SMIM20: variants seen among roughly 807,000 people sequenced by gnomAD.
SMIM20 encodes the protein mitochondrial translation regulation assembly intermediate of cytochrome c oxidase protein of 7 kDa.
In SMIM20, 3 loss-of-function variants were observed where a neutral mutation model predicts 8.7. That is an observed-to-expected ratio of 0.34 (90% CI 0.16 to 0.89). The LOEUF is 0.89. SMIM20 is among the 40% of genes least tolerant of loss of function. The pLI, the probability that SMIM20 is intolerant of heterozygous loss-of-function variation, is 0.49. For synonymous variants in SMIM20, 44 were observed against 33.6 expected (o/e 1.31, Z -1.07); for missense variants, 85 against 84.8 (o/e 1.00, Z -0.01).
rs1449244589 is a variant in SMIM20 at position 25,929,689 on chromosome 4, C to G, written c.*498C>G. 1 of 152,756 alleles carries G rather than the reference C, an allele frequency of 6.5e-6. No homozygotes were observed. The highest frequency in any genetic ancestry group is 2.4e-5 in the African/African-American group (1 of 41,462). 9.5% of individuals were successfully genotyped at this position (152,756 alleles called of 1,614,324 possible). A position where few individuals can be genotyped will look rare whatever the true frequency, so the allele number is the denominator to read the frequency against. ...GACAAGGTACTTCGTGCACCTCATG[C>G]TGAAGATTGCACCGTGTTGGAAAAT... is the stretch of plus-strand genomic sequence containing the variant. On this transcript the variant is annotated 3_prime_UTR_variant, in exon 3 of 3. Coordinates refer to ENST00000506197, the MANE Select transcript of SMIM20 (RefSeq NM_001145432.3).
chr4:25,928,201 C>T, intron 1 of SMIM20, 112 bp from the exon 2 acceptor site: 1 of 1,009,682 alleles, frequency 9.9e-7, no homozygotes, highest in Non-Finnish European at 1.4e-6. Flanking sequence ...AATTTAACAG[C>T]ACTCATAAAT....
Position 25,914,233 on chromosome 4 carries a change from G to C in SMIM20, c.-81G>C. On this transcript the variant is annotated 5_prime_UTR_variant, in exon 1 of 3. Coordinates refer to ENST00000506197, the MANE Select transcript of SMIM20 (RefSeq NM_001145432.3). ...AAGCCTCTCCACCTCTTCCGAGCGGGGTCACGGCCCGGCCGTCGGTAACCT... is the reference window on the plus strand; with the variant it reads ...AAGCCTCTCCACCTCTTCCGAGCGGCGTCACGGCCCGGCCGTCGGTAACCT... The C allele has an allele frequency of 6.6e-7, 1 of 1,504,916 alleles. No homozygotes were observed. The highest frequency in any genetic ancestry group is 1.4e-5 in the African/African-American group (1 of 71,582). 93.2% of individuals were successfully genotyped at this position (1,504,916 alleles called of 1,614,324 possible).
intron 1 of SMIM20, among the ~76,000 whole-genome samples, chr4:25,924,600 C>T (rs1278757000): frequency 6.6e-6 from 1 of 152,162 alleles, no homozygotes; most frequent in Non-Finnish European, 1.5e-5. Flanking sequence ...GCTTTCTCCC[C>T]CTATATATAA....
At chr4:25,924,740 C>T (rs1357748793) in intron 1 of SMIM20, among the ~76,000 whole-genome samples, 1 of 152,118 alleles carries the variant, frequency 6.6e-6, no homozygotes, top group Non-Finnish European at 1.5e-5. Context: ...ACACTTCAGC[C>T]TGTATTTCCG....
chr4:25,928,276 C>G lies in SMIM20; in HGVS notation c.110-37C>G, dbSNP rs562719095. 7.1e-6 allele frequency: 11 copies of G among 1,543,162 alleles called. No individual in the cohort carries two copies. The African/African-American group carries it at 1.2e-4, about 17-fold the overall frequency. ...TACAAATATTTCTCTCTCCCCGCCC[C>G]CCTTCTAAAGAATGATTTTTCTCTT... On this transcript the variant is annotated intron_variant, in intron 1 of 2. Coordinates refer to ENST00000506197, the MANE Select transcript of SMIM20 (RefSeq NM_001145432.3).
intron 1 of SMIM20, among the ~76,000 whole-genome samples, chr4:25,922,117 G>A (rs958215934): frequency 1.3e-5 from 2 of 152,214 alleles, no homozygotes; most frequent in East Asian, 1.9e-4. Flanking sequence ...AGTGTATTAA[G>A]TTGACTATTT....
At chr4:25,918,498 G>A (rs192521450) in intron 1 of SMIM20, among the ~76,000 whole-genome samples, 128 of 151,834 alleles carry the variant, frequency 8.4e-4, no homozygotes, top group African/African-American at 2.9e-3. Flanking sequence ...ATTTTATTGT[G>A]CTACCAGATT....
chr4:25,918,952 C>T (rs1232106694), intron 1 of SMIM20, among the ~76,000 whole-genome samples: 7 of 125,716 alleles, frequency 5.6e-5, no homozygotes, highest in South Asian at 2.6e-4. Flanking sequence ...GGCCGGACTG[C>T]GGACTGCAGT....
intron 1 of SMIM20, among the ~76,000 whole-genome samples, chr4:25,921,297 G>A (rs993717686): frequency 1.3e-5 from 2 of 152,136 alleles, no homozygotes; most frequent in Non-Finnish European, 2.9e-5. Context: ...ACTTTGGGAA[G>A]CTGACGCAGG....
At chr4:25,918,344 T>A (rs907449518) in intron 1 of SMIM20, among the ~76,000 whole-genome samples, 5 of 152,204 alleles carry the variant, frequency 3.3e-5, no homozygotes, top group African/African-American at 1.2e-4. Context: ...AGATCAAGCT[T>A]CTTAATTCTG....
chr4:25,917,951 T>TG (rs1342329881), intron 1 of SMIM20, among the ~76,000 whole-genome samples: 1 of 149,984 alleles, frequency 6.7e-6, no homozygotes, highest in Non-Finnish European at 1.5e-5. Context: ...TTTTTGTTTT[T>TG]TTTTTTTTTG....
At position 25,929,428 on chromosome 4, in the gene SMIM20, A is replaced by C. The variant is rs1711590839; in HGVS notation, c.*237A>C. The stretch of plus-strand genomic sequence containing the variant: ...TAGGAAGGTTTTCATGATTCAGTTG[A>C]TTTTCCAAAAATGAAGCTATCTCAC... On this transcript the variant is annotated 3_prime_UTR_variant, in exon 3 of 3. Transcript: ENST00000506197. 4 of 478,876 alleles carry C rather than the reference A, an allele frequency of 8.4e-6. No individual in the cohort carries two copies. The highest frequency in any genetic ancestry group is 1.4e-5 in the Non-Finnish European group (4 of 276,928). 29.7% of individuals were successfully genotyped at this position (478,876 alleles called of 1,614,324 possible).
At chr4:25,921,718 G>C (rs533656391) in intron 1 of SMIM20, among the ~76,000 whole-genome samples, 1 of 152,182 alleles carries the variant, frequency 6.6e-6, no homozygotes, top group African/African-American at 2.4e-5. Context: ...AGTAGGTAAG[G>C]GTTCCCAGGC....
In SMIM20 at chr4:25,929,396, A is replaced by G; in HGVS notation, c.*205A>G. 3.7e-6 allele frequency: 2 copies of G among 544,978 alleles called. No individual in the cohort carries two copies. The highest frequency in any genetic ancestry group is 3.1e-5 in the South Asian group (1 of 32,154). The allele number at this position is 544,978 out of a possible 1,614,324, so 33.8% of individuals were successfully genotyped here. Reference sequence around the variant, plus strand: ...TATCAAAAGAACTCTGGAACAAATTATACCATTAGGAAGGTTTTCATGATT... The same window carrying G: ...TATCAAAAGAACTCTGGAACAAATTGTACCATTAGGAAGGTTTTCATGATT... On this transcript the variant is annotated 3_prime_UTR_variant, in exon 3 of 3. Transcript: ENST00000506197.
chr4:25,928,283 A>C (rs1711563500), intron 1 of SMIM20, 30 bp from the exon 2 acceptor site: 1 of 1,545,996 alleles, frequency 6.5e-7, no homozygotes, highest in Non-Finnish European at 8.7e-7. Flanking sequence ...CCCCCCTTCT[A>C]AAGAATGATT....
intron 1 of SMIM20, among the ~76,000 whole-genome samples, chr4:25,917,948 T>G (rs1406073310): frequency 1.3e-5 from 2 of 148,280 alleles, no homozygotes; most frequent in African/African-American, 2.5e-5. Flanking sequence ...TTTTTTTTGT[T>G]TTTTTTTTTT....
At chr4:25,928,915 G>A (rs1033917485) in intron 2 of SMIM20, among the ~76,000 whole-genome samples, 15 of 152,068 alleles carry the variant, frequency 9.9e-5, no homozygotes, top group Non-Finnish European at 2.1e-4. Flanking sequence ...TTTTTAACTA[G>A]GCCAGATGTC....
intron 1 of SMIM20, among the ~76,000 whole-genome samples, chr4:25,919,347 T>C (rs1430142735): frequency 6.6e-6 from 1 of 151,400 alleles, no homozygotes; most frequent in Non-Finnish European, 1.5e-5. Context: ...TGTGTCTTCT[T>C]TTTTTTTTCT....
At chr4:25,921,969 A>G (rs746902590) in intron 1 of SMIM20, among the ~76,000 whole-genome samples, 9 of 152,208 alleles carry the variant, frequency 5.9e-5, no homozygotes, top group Non-Finnish European at 8.8e-5. Flanking sequence ...AGTAAAAGAG[A>G]TAAGTGAAAA....
Sources: gnomAD v4.1 joint callset for allele counts (sites outside exome capture counted in the v4.1 genomes callset) on GRCh38, gnomAD v4.1.1 for gene constraint, MANE v1.5 for transcripts, NCBI Gene and HGNC (gene_info 2026-07-23, HGNC 2026-07-21) for gene names.